Variants in UGT1A7 observed in about 807,000 individuals in gnomAD.
UGT1A7 encodes the protein UDP-glucuronosyltransferase 1A7.
UGT1A7 carries 33 observed loss-of-function variants against 45.6 expected under a neutral mutation model. The observed-to-expected ratio is 0.72, with a 90% confidence interval of 0.55 to 0.97. The LOEUF (loss-of-function observed/expected upper bound fraction) is 0.97, where lower values mean the gene tolerates loss of function less well. Among genes scored for constraint, UGT1A7 ranks in the 50% least tolerant of loss-of-function variants. The probability of loss-of-function intolerance (pLI) is 0.00; values close to 1 mark genes in which losing one functional copy is unlikely to be tolerated. For missense variants in UGT1A7, 684 were observed against 666.2 expected (o/e 1.03, Z -0.29); for synonymous variants, 274 against 250.6 (o/e 1.09, Z -0.88).
chr2:233,721,383 C>T (rs2076941524), intron 1 of UGT1A7: 1 of 152,770 alleles, frequency 6.5e-6, no homozygotes, highest in South Asian at 2.1e-4. Context: ...TCTTCACTCT[C>T]ATTTTTCTAG....
rs1700550543 is a variant in UGT1A7, at chr2:233,772,835, G to A, written c.*276G>A. ...GACGTGCAGACAGGCTGGCATTCTA[G>A]ATTACTTTTCTTACTCTGAAACATG... On this transcript the variant is annotated 3_prime_UTR_variant, in exon 5 of 5. Transcript: ENST00000373426. 1.1e-6 allele frequency: 1 copy of A among 887,832 alleles called. No individual in the cohort carries two copies. Among genetic ancestry groups the A allele is most frequent in the Non-Finnish European group, 1.6e-6 (1 of 638,112 alleles). The allele number at this position is 887,832 out of a possible 1,614,324, so 55.0% of individuals were successfully genotyped here. A position where few individuals can be genotyped will look rare whatever the true frequency, so the allele number is the denominator to read the frequency against.
Position 233,749,147 on chromosome 2 carries a change from T to C in UGT1A7, c.856-17887T>C, listed in dbSNP as rs149958207. ...TTCACTGAATGCATATGAACTTCCA[T>C]GACTTGATCCTTTTGTATTTTTATT... On this transcript the variant is annotated intron_variant, in intron 1 of 4. Transcript: ENST00000373426. Among the ~76,000 whole-genome samples, 47 of 152,004 alleles carry C rather than the reference T, an allele frequency of 3.1e-4. 1 individual carries two copies. Among genetic ancestry groups the C allele is most frequent in the African/African-American group, 9.9e-4 (41 of 41,258 alleles).
chr2:233,747,129 A>G, intron 1 of UGT1A7: 1 of 1,518,564 alleles, frequency 6.6e-7, no homozygotes, highest in Non-Finnish European at 8.9e-7. Flanking sequence ...TAAGTGGCTC[A>G]GTGACAAGGT....
intron 1 of UGT1A7, among the ~76,000 whole-genome samples, chr2:233,723,070 TATC>T (rs1029287051): frequency 2.8e-5 from 4 of 141,500 alleles, no homozygotes; most frequent in Admixed American, 7.2e-5. Context: ...TATGGAAATA[TATC>T]ATCATTTTTG....
At chr2:233,695,460 A>G (rs1364895717) in intron 1 of UGT1A7, among the ~76,000 whole-genome samples, 2 of 150,892 alleles carry the variant, frequency 1.3e-5, no homozygotes, top group African/African-American at 4.9e-5. Context: ...AACGTGCTTT[A>G]TTGGCCCTTT....
intron 1 of UGT1A7, among the ~76,000 whole-genome samples, chr2:233,715,560 C>G (rs1442494993): frequency 6.6e-6 from 1 of 151,940 alleles, no homozygotes; most frequent in Non-Finnish European, 1.5e-5. Context: ...TTGCTTGAGC[C>G]CAGGAGTCTG....
intron 1 of UGT1A7, among the ~76,000 whole-genome samples, chr2:233,704,712 T>C (rs2075804590): frequency 6.6e-6 from 1 of 152,184 alleles, no homozygotes; most frequent in African/African-American, 2.4e-5. Context: ...CTTAGCCCAA[T>C]TTGCCTTTGC....
Position 233,752,763 on chromosome 2 carries a change from A to C in UGT1A7, c.856-14271A>C, listed in dbSNP as rs182475075. Among the ~76,000 whole-genome samples, 215 of 152,376 alleles carry C rather than the reference A, an allele frequency of 1.4e-3. 1 individual carries two copies. Among genetic ancestry groups the C allele is most frequent in the African/African-American group, 4.9e-3 (204 of 41,592 alleles). On this transcript the variant is annotated intron_variant, in intron 1 of 4. Coordinates refer to ENST00000373426, the MANE Select transcript of UGT1A7 (RefSeq NM_019077.3). Reference sequence around the variant, plus strand: ...CTGTCTCTAAAACAAACAAACAAACAAACAAACAATAACCAAACAAGCTTT... The same window carrying C: ...CTGTCTCTAAAACAAACAAACAAACCAACAAACAATAACCAAACAAGCTTT...
intron 1 of UGT1A7, among the ~76,000 whole-genome samples, chr2:233,702,287 A>G (rs1181486137): frequency 6.6e-6 from 1 of 152,220 alleles, no homozygotes. Context: ...CCTTTAGCAT[A>G]AAGAGTTTTG....
intron 1 of UGT1A7, chr2:233,748,073 A>G (rs1311035028): frequency 6.2e-7 from 1 of 1,613,214 alleles, no homozygotes; most frequent in Non-Finnish European, 8.5e-7. Context: ...GGAAGCCACT[A>G]TCTCAGGTCG....
At chr2:233,749,672 C>T (rs779436675) in intron 1 of UGT1A7, among the ~76,000 whole-genome samples, 1 of 151,816 alleles carries the variant, frequency 6.6e-6, no homozygotes, top group African/African-American at 2.4e-5. Flanking sequence ...ATAATCCCCA[C>T]GTGTCAAGGA....
rs6742078 is a variant in UGT1A7, at chr2:233,763,993, G to T, written c.856-3041G>T. ...TGTGGGTTACTGGGAATGCGTGATG[G>T]TGAAGTCACAGATGACCCACATGGT... On this transcript the variant is annotated intron_variant, in intron 1 of 4. Transcript: ENST00000373426. 0.36 allele frequency among the ~76,000 whole-genome samples: 54,149 copies of T among 152,126 alleles called. 9,972 individuals carry two copies. Among genetic ancestry groups the T allele is most frequent in the African/African-American group, 0.43 (17,876 of 41,508 alleles).
chr2:233,684,782 C>G (rs2074700851), intron 1 of UGT1A7, among the ~76,000 whole-genome samples: 1 of 152,080 alleles, frequency 6.6e-6, no homozygotes, highest in Non-Finnish European at 1.5e-5. Flanking sequence ...TGCCCTTTGG[C>G]AAAGAGCCCT....
intron 1 of UGT1A7, among the ~76,000 whole-genome samples, chr2:233,757,461 C>T (rs181439880): frequency 5.8e-4 from 87 of 149,574 alleles, no homozygotes; most frequent in Non-Finnish European, 1.2e-3. Context: ...GTCCAGAGCG[C>T]TTACTGTCTC....
intron 1 of UGT1A7, chr2:233,755,349 T>G (rs1322170401): frequency 5.0e-6 from 2 of 396,484 alleles, no homozygotes; most frequent in Admixed American, 3.8e-5. Flanking sequence ...GTCAGAGGCT[T>G]GGCGACCTGG....
At chr2:233,709,996 TA>T (rs2076102757) in intron 1 of UGT1A7, among the ~76,000 whole-genome samples, 5 of 152,236 alleles carry the variant, frequency 3.3e-5, no homozygotes, top group African/African-American at 9.6e-5. Flanking sequence ...AATGGAATCA[TA>T]CAATTATGAA....
At position 233,772,339 on chromosome 2, in the gene UGT1A7, G is replaced by A; in HGVS notation, c.1373G>A (p.Trp458Ter). The change falls in exon 5 of 5, where the codon TGG (tryptophan) becomes TAG (stop). Residue 458 changes from tryptophan to a stop codon, truncating the protein, a stop_gained. Transcript: ENST00000373426. LOFTEE classifies it high-confidence loss of function. ...GAGCCGCTGGACCTGGCCGTGTTCT[G>A]GGTGGAGTTTGTGATGAGGCACAAG... ...PVEPLDLAVF[W>*]VEFVMRHKGA... 2 of 1,614,256 alleles carry A rather than the reference G, an allele frequency of 1.2e-6. No homozygotes were observed. The highest frequency in any genetic ancestry group is 1.7e-6 in the Non-Finnish European group (2 of 1,180,038).
chr2:233,757,542 ATATATATATATATATATATG>A (rs1365992052), intron 1 of UGT1A7, among the ~76,000 whole-genome samples: 3 of 116,804 alleles, frequency 2.6e-5, no homozygotes, highest in East Asian at 2.1e-4. Context: ...AGGAATATAT[ATATATATATATATATATATG>A]TATATATGAT....
chr2:233,698,667 C>T (rs2075453581), intron 1 of UGT1A7, among the ~76,000 whole-genome samples: 2 of 152,000 alleles, frequency 1.3e-5, no homozygotes, highest in African/African-American at 4.8e-5. Flanking sequence ...AACTATTGGC[C>T]CAACTATAAA....
Sources: allele counts gnomAD v4.1 joint callset (sites outside exome capture counted in the v4.1 genomes callset), GRCh38; gene constraint gnomAD v4.1.1; transcripts MANE v1.5; gene names NCBI Gene and HGNC (gene_info 2026-07-23, HGNC 2026-07-21).